CKAP5: variants seen among roughly 807,000 people sequenced by gnomAD.
CKAP5 encodes cytoskeleton-associated protein 5.
Under a neutral mutation model 232.8 loss-of-function variants are expected in CKAP5, and 27 were observed. The ratio of observed to expected loss-of-function variants is 0.12; its 90% CI spans 0.09 to 0.16. The LOEUF is 0.16. CKAP5 is among the 10% of genes least tolerant of loss of function. The pLI, the probability that CKAP5 is intolerant of heterozygous loss-of-function variation, is 1.00. For synonymous variants in CKAP5, 785 were observed against 841.1 expected, an observed-to-expected ratio of 0.93 and a Z score of 1.16; for missense variants, 1,838 against 2,424.7, an observed-to-expected ratio of 0.76 and a Z score of 5.08.
At chr11:46,797,763 C>T in intron 11 of CKAP5, 42 bp downstream of exon 11, 1 of 1,560,528 alleles carries the variant, frequency 6.4e-7, no homozygotes. Context: ...AGAATCTTGC[C>T]TAGGTATAAA....
intron 9 of CKAP5, among the ~76,000 whole-genome samples, chr11:46,799,544 G>T (rs952861247): frequency 6.6e-6 from 1 of 152,192 alleles, no homozygotes; most frequent in African/African-American, 2.4e-5. Flanking sequence ...TAACATGCTT[G>T]ATACTAAACA....
intron 32 of CKAP5, 51 bp from the exon 33 acceptor site, chr11:46,760,835 A>ATTTG: frequency 6.7e-7 from 1 of 1,496,356 alleles, no homozygotes; most frequent in Non-Finnish European, 9.1e-7. Context: ...AATAATATCT[A>ATTTG]TTTTCATATC....
chr11:46,823,695 C>T (rs775231080), intron 1 of CKAP5, among the ~76,000 whole-genome samples: 23 of 152,248 alleles, frequency 1.5e-4, no homozygotes, highest in Admixed American at 3.3e-4. Context: ...TCAAGTGATC[C>T]TCCCAACCTC....
At chr11:46,830,892 G>A (rs995687105) in intron 1 of CKAP5, among the ~76,000 whole-genome samples, 1 of 152,036 alleles carries the variant, frequency 6.6e-6, no homozygotes, top group Non-Finnish European at 1.5e-5. Context: ...ATGAAACCAT[G>A]TATCTACTAA....
chr11:46,749,223 G>A (rs2065044474), intron 42 of CKAP5, among the ~76,000 whole-genome samples: 2 of 152,034 alleles, frequency 1.3e-5, no homozygotes, highest in Admixed American at 1.3e-4. Flanking sequence ...GGGAGGCCAA[G>A]GTGGGTGGAT....
At chr11:46,790,652 A>T (rs1244776004) in intron 13 of CKAP5, 69 bp from the exon 14 acceptor site, 1 of 1,103,096 alleles carries the variant, frequency 9.1e-7, no homozygotes, top group Non-Finnish European at 1.3e-6. Context: ...TTTTATTTTT[A>T]TTTTTTTTGA....
chr11:46,792,189 T>G (rs1456140288), intron 13 of CKAP5, among the ~76,000 whole-genome samples: 1 of 105,458 alleles, frequency 9.5e-6, no homozygotes, highest in Non-Finnish European at 1.9e-5. Context: ...TATGGAGAGA[T>G]ACTTCAAATA....
At chr11:46,805,732 T>TC (rs1217204193) in intron 8 of CKAP5, among the ~76,000 whole-genome samples, 1 of 152,184 alleles carries the variant, frequency 6.6e-6, no homozygotes, top group Non-Finnish European at 1.5e-5. Context: ...GGTCAGGAGT[T>TC]CGAGACTAGC....
Position 46,744,110 on chromosome 11 carries a change from A to G in CKAP5, c.6012T>C (p.Ser2004=), listed in dbSNP as rs1418630865. ...AGGAGGAGGAGGTCACAGTTCCTGA[A>G]GAGTGAGTCTGGTTAGAATCCAGGT... ...HSDLDSNQTH[S]SGTVTSSSST... is the part of the protein sequence containing the mutation. The change falls in exon 44 of 44, where the codon TCT becomes TCC. Residue 2004 remains serine (S), a synonymous_variant. Transcript: ENST00000529230. 1.2e-6 allele frequency: 2 copies of G among 1,613,960 alleles called. No individual in the cohort carries two copies. The highest frequency in any genetic ancestry group is 2.2e-5 in the East Asian group (1 of 44,894).
chr11:46,808,577 G>A (rs549856197), intron 7 of CKAP5, among the ~76,000 whole-genome samples: 21 of 152,092 alleles, frequency 1.4e-4, no homozygotes, highest in Non-Finnish European at 2.6e-4. Context: ...TAAAACTGTG[G>A]AGGCAATCAG....
intron 9 of CKAP5, among the ~76,000 whole-genome samples, chr11:46,799,429 T>C (rs899603855): frequency 6.6e-6 from 1 of 152,234 alleles, no homozygotes; most frequent in Admixed American, 6.5e-5. Context: ...ATACTAGTTA[T>C]AAACTTGAAA....
rs1339066043 is a variant in CKAP5, at chr11:46,802,563, C to CACAT, written c.979-1260_979-1259insATGT. Among the ~76,000 whole-genome samples the CACAT allele has an allele frequency of 1.8e-3, 264 of 148,928 alleles. 25 individuals are homozygous for CACAT. Among genetic ancestry groups the CACAT allele is most frequent in the Middle Eastern group, 6.8e-3 (2 of 294 alleles). On this transcript the variant is annotated intron_variant, in intron 8 of 43. Transcript: ENST00000529230. ...ACAGACAGACAGACAGACAGACACA[C>CACAT]ACACACACACACACACACACACACG...
chr11:46,752,194 A>ATATATATATATG (rs57191772), intron 38 of CKAP5, among the ~76,000 whole-genome samples: 2 of 61,326 alleles, frequency 3.3e-5, no homozygotes, highest in African/African-American at 9.7e-5. Flanking sequence ...ATATATATAT[A>ATATATATATATG]CACACACACA....
intron 1 of CKAP5, among the ~76,000 whole-genome samples, chr11:46,842,913 G>C (rs1940090713): frequency 7.0e-6 from 1 of 141,936 alleles, no homozygotes; most frequent in Non-Finnish European, 1.5e-5. Context: ...CTTGCAGTGA[G>C]CCGAGATCGC....
chr11:46,836,725 C>A (rs1306563624), intron 1 of CKAP5, among the ~76,000 whole-genome samples: 1 of 152,158 alleles, frequency 6.6e-6, no homozygotes, highest in Non-Finnish European at 1.5e-5. Context: ...CAGTTTCTTA[C>A]AAAACTATAA....
Position 46,763,150 on chromosome 11 carries a change from A to G in CKAP5, c.3717T>C (p.Ile1239=), listed in dbSNP as rs1180760508. The change falls in exon 30 of 44, where the codon ATT becomes ATC. Residue 1239 remains isoleucine, a synonymous_variant. Coordinates refer to ENST00000529230, the MANE Select transcript of CKAP5 (RefSeq NM_001008938.4). ...DHLESEKEGV[I]GCLDLILKWL... ...ACTTTAAGATAAGATCCAGGCAACC[A>G]ATAACTCCTTCTTTTTCACTCTCCA... is the stretch of plus-strand genomic sequence containing the variant. 9 of 1,613,524 alleles carry G rather than the reference A, an allele frequency of 5.6e-6. No homozygotes were observed. Among genetic ancestry groups the G allele is most frequent in the African/African-American group, 5.3e-5 (4 of 75,010 alleles).
Position 46,808,061 on chromosome 11 carries a change from A to G in CKAP5, c.948T>C (p.Asp316=), listed in dbSNP as rs755708686. 3.1e-6 allele frequency: 5 copies of G among 1,613,882 alleles called. No individual in the cohort carries two copies. In the Admixed American group the frequency reaches 6.7e-5, roughly 22 times the overall value. The change falls in exon 8 of 44, where the codon GAT becomes GAC. Residue 316 remains aspartate (D), a synonymous_variant. Coordinates refer to ENST00000529230, the MANE Select transcript of CKAP5 (RefSeq NM_001008938.4). ...LIKNPKLEAG[D]YADLVKALKK... The stretch of plus-strand genomic sequence containing the variant: ...TTAATGCTTTTACTAAATCTGCATA[A>G]TCGCCAGCTTCCAGTTTGGGGTTTT...
chr11:46,814,903 A>G (rs971447673), intron 4 of CKAP5, among the ~76,000 whole-genome samples: 3 of 152,246 alleles, frequency 2.0e-5, no homozygotes, highest in Non-Finnish European at 4.4e-5. Context: ...TCTTTAGCCA[A>G]CATCTCAAAG....
chr11:46,780,098 G>A (rs1189971278), intron 20 of CKAP5, 96 bp downstream of exon 20: 1 of 1,339,126 alleles, frequency 7.5e-7, no homozygotes, highest in East Asian at 2.3e-5. Flanking sequence ...CTCCTGAGTA[G>A]CTGGGACTAC....
Sources: allele counts gnomAD v4.1 joint callset (sites outside exome capture counted in the v4.1 genomes callset), GRCh38; gene constraint gnomAD v4.1.1; transcripts MANE v1.5; gene names NCBI Gene and HGNC (gene_info 2026-07-23, HGNC 2026-07-21).